HLA-DRB5: variants seen among roughly 807,000 people sequenced by gnomAD.
HLA-DRB5 encodes major histocompatibility complex, class II, DR beta 5.
A neutral mutation model predicts 22.4 loss-of-function variants in HLA-DRB5; 11 were observed. That is an observed-to-expected ratio of 0.49 (90% CI 0.31 to 0.81). The LOEUF (loss-of-function observed/expected upper bound fraction) is 0.81, where lower values mean the gene tolerates loss of function less well. Ranked by LOEUF, HLA-DRB5 falls within the 40% of genes least tolerant of loss-of-function variation. HLA-DRB5 has a pLI of 0.05. For missense variants in HLA-DRB5, 106 were observed against 274.4 expected (o/e 0.39, Z 4.34); for synonymous variants, 57 against 106.0 (o/e 0.54, Z 2.84).
intron 2 of HLA-DRB5, among the ~76,000 whole-genome samples, chr6:32,521,295 AAACAG>A (rs150262640): frequency 0.59 from 51,240 of 86,796 alleles, 13,133 homozygotes; most frequent in Middle Eastern, 0.72. Context: ...CTAAGAAAAC[AAACAG>A]AAAAAATAGC....
intron 1 of HLA-DRB5, among the ~76,000 whole-genome samples, chr6:32,528,163 G>A (rs1289280434): frequency 0.027 from 1,887 of 69,172 alleles, 138 homozygotes; most frequent in Middle Eastern, 0.12. Context: ...TCAGCTGGAT[G>A]TCACTTTCTC....
Position 32,522,009 on chromosome 6 carries a change from T to G in HLA-DRB5, c.266A>C (p.Tyr89Ser), listed in dbSNP as rs41541218. Reference protein sequence around the residue: ...VTELGRPDAEYWNSQKDFLED... With the variant: ...VTELGRPDAESWNSQKDFLED... Reference sequence around the variant, plus strand: ...CAGGAAGTCCTTCTGGCTGTTCCAGTACTCAGCGTCAGGCCGCCCCAGCTC... The same window carrying G: ...CAGGAAGTCCTTCTGGCTGTTCCAGGACTCAGCGTCAGGCCGCCCCAGCTC... The change falls in exon 2 of 6, where the codon TAC (tyrosine) becomes TCC (serine). Residue 89 changes from tyrosine (Y) to serine (S), a missense_variant. Physicochemically the swap from Tyr to Ser is moderately radical, Grantham distance 144 (BLOSUM62 -2). Coordinates refer to ENST00000374975, the MANE Select transcript of HLA-DRB5 (RefSeq NM_002125.4). 230,695 of 1,259,964 alleles carry G rather than the reference T, an allele frequency of 0.18. 43,258 individuals carry two copies. Among genetic ancestry groups the G allele is most frequent in the East Asian group, 0.27 (10,476 of 39,002 alleles). The allele number at this position is 1,259,964 out of a possible 1,614,324, so 78.0% of individuals were successfully genotyped here.
Position 32,520,187 on chromosome 6 carries a change from A to G in HLA-DRB5, c.371-536T>C, listed in dbSNP as rs571444284. Among the ~76,000 whole-genome samples the G allele has an allele frequency of 9.0e-4, 51 of 56,718 alleles. 2 individuals are homozygous for G. Among genetic ancestry groups the G allele is most frequent in the Admixed American group, 1.5e-3 (6 of 4,100 alleles). The allele number at this position is 56,718 out of a possible 152,430, so 37.2% of individuals were successfully genotyped here. On this transcript the variant is annotated intron_variant, in intron 2 of 5. Coordinates refer to ENST00000374975, the MANE Select transcript of HLA-DRB5 (RefSeq NM_002125.4). ...ACTCCATTCCACTGTGAGAGGGCTC[A>G]TCACACTTGGGTGTTCCACTTGCCA...
Position 32,530,125 on chromosome 6 carries a change from G to A in HLA-DRB5, c.100C>T (p.Pro34Ser), listed in dbSNP as rs757983305. ...CTCAGCACCCACAATGTGCACTTAC[G>A]TCGGGTGTCCCCAGCCAAAGCCAGT... ...SPLALAGDTRPRFLQQDKYEC... is the reference protein window; with the variant it reads ...SPLALAGDTRSRFLQQDKYEC... The change falls in exon 1 of 6, where the codon CCA (proline) becomes TCA (serine). Residue 34 changes from proline (P) to serine (S), a missense_variant and splice_region_variant. Physicochemically the swap from Pro to Ser is moderately conservative, Grantham distance 74. Coordinates refer to ENST00000374975, the MANE Select transcript of HLA-DRB5 (RefSeq NM_002125.4). 9 of 1,549,408 alleles carry A rather than the reference G, an allele frequency of 5.8e-6. No individual in the cohort carries two copies. In the African/African-American group the frequency reaches 6.9e-5, roughly 12 times the overall value.
chr6:32,529,102 A>G (rs1181795486), intron 1 of HLA-DRB5, among the ~76,000 whole-genome samples: 1 of 148,430 alleles, frequency 6.7e-6, no homozygotes, highest in Non-Finnish European at 1.5e-5. Context: ...AGCTGAGGGC[A>G]TGACGGGTGA....
rs1770237980 is a variant in HLA-DRB5, at chr6:32,530,268, TC to T, written c.-45del. The T allele has an allele frequency of 8.3e-7, 1 of 1,204,388 alleles. No individual in the cohort carries two copies. The highest frequency in any genetic ancestry group is 1.2e-6 in the Non-Finnish European group (1 of 845,130). The allele number at this position is 1,204,388 out of a possible 1,614,324, so 74.6% of individuals were successfully genotyped here. On this transcript the variant is annotated 5_prime_UTR_variant, in exon 1 of 6. Transcript: ENST00000374975. Reference sequence around the variant, plus strand: ...ACCAGGGGCCAGAGGAGCAGGCAAGTCTCACTCAGGGAGAACTATGATCCCC... The same window carrying T: ...ACCAGGGGCCAGAGGAGCAGGCAAGTTCACTCAGGGAGAACTATGATCCCC...
chr6:32,518,798 T>C (rs538570744), intron 3 of HLA-DRB5, 132 bp from the exon 4 acceptor site: 3 of 281,312 alleles, frequency 1.1e-5, no homozygotes, highest in South Asian at 4.3e-5. Flanking sequence ...TAGCCATTTC[T>C]GGAGAAAAAA....
intron 1 of HLA-DRB5, among the ~76,000 whole-genome samples, chr6:32,529,922 G>C (rs1361289432): frequency 0.13 from 14,657 of 116,776 alleles, 304 homozygotes; most frequent in Middle Eastern, 0.18. Flanking sequence ...GACCTGTATG[G>C]AGGCCCCTTA....
chr6:32,525,901 C>T (rs201474301), intron 1 of HLA-DRB5, among the ~76,000 whole-genome samples: 9 of 47,480 alleles, frequency 1.9e-4, no homozygotes, highest in Middle Eastern at 0.012. Flanking sequence ...TAAATATGGG[C>T]TGTGTGAAAT....
intron 1 of HLA-DRB5, among the ~76,000 whole-genome samples, chr6:32,529,769 A>ATC (rs1554270160): frequency 0.084 from 8,191 of 97,982 alleles, no homozygotes; most frequent in East Asian, 0.13. Flanking sequence ...TCAGAAAAAA[A>ATC]CTCGTTTTGT....
At chr6:32,529,690 T>C (rs796334330) in intron 1 of HLA-DRB5, among the ~76,000 whole-genome samples, 10,109 of 68,920 alleles carry the variant, frequency 0.15, 651 homozygotes, top group Middle Eastern at 0.29. Flanking sequence ...TATCACAGGT[T>C]CTGTCAAGGG....
rs75709987 is a variant in HLA-DRB5, at chr6:32,519,517, C to T, written c.505G>A (p.Ala169Thr). 0.15 allele frequency: 195,393 copies of T among 1,330,840 alleles called. 1,711 individuals carry two copies. The highest frequency in any genetic ancestry group is 0.26 in the Admixed American group (12,504 of 48,988). 82.4% of individuals were successfully genotyped at this position (1,330,840 alleles called of 1,614,324 possible). A position where few individuals can be genotyped will look rare whatever the true frequency, so the allele number is the denominator to read the frequency against. The change falls in exon 3 of 6, where the codon GCT becomes ACT. Residue 169 changes from alanine to threonine, a missense_variant. By Grantham distance (58) the Ala-to-Thr change is moderately conservative. Coordinates refer to ENST00000374975, the MANE Select transcript of HLA-DRB5 (RefSeq NM_002125.4). ...RWFRNSQEEK[A>T]GVVSTGLIQN... Reference sequence around the variant, plus strand: ...ATCAGGCCTGTGGACACCACCCCAGCCTTCTCTTCCTGGCTGTTCCGGAAC... The same window carrying T: ...ATCAGGCCTGTGGACACCACCCCAGTCTTCTCTTCCTGGCTGTTCCGGAAC...
intron 1 of HLA-DRB5, among the ~76,000 whole-genome samples, chr6:32,528,267 C>G (rs202138751): frequency 0.054 from 5,542 of 102,158 alleles, 25 homozygotes; most frequent in Middle Eastern, 0.061. Flanking sequence ...CACTATGACT[C>G]TCTGAAATTT....
intron 1 of HLA-DRB5, among the ~76,000 whole-genome samples, chr6:32,524,188 C>T (rs111779823): frequency 0.061 from 5,840 of 95,476 alleles, 466 homozygotes; most frequent in East Asian, 0.088. Flanking sequence ...CTACATAAAA[C>T]GAATGCTTTA....
At chr6:32,525,526 C>A (rs1446865763) in intron 1 of HLA-DRB5, among the ~76,000 whole-genome samples, 2 of 125,150 alleles carry the variant, frequency 1.6e-5, no homozygotes, top group Non-Finnish European at 3.3e-5. Context: ...AAACAGAGGG[C>A]AGAAACACTG....
Position 32,525,926 on chromosome 6 carries a change from C to CT in HLA-DRB5, c.101-3753dup, listed in dbSNP as rs1272090289. Reference sequence around the variant, plus strand: ...CTGTGTGAAATACTGGCTGTGTGACCTCTTCATGAGCAGTCACCACTGCAC... The same window carrying CT: ...CTGTGTGAAATACTGGCTGTGTGACCTTCTTCATGAGCAGTCACCACTGCAC... On this transcript the variant is annotated intron_variant, in intron 1 of 5. Transcript: ENST00000374975. Among the ~76,000 whole-genome samples, 219 of 28,748 alleles carry CT rather than the reference C, an allele frequency of 7.6e-3. 17 individuals are homozygous for CT. The highest frequency in any genetic ancestry group is 0.016 in the East Asian group (17 of 1,086). The allele number at this position is 28,748 out of a possible 152,430, so 18.9% of individuals were successfully genotyped here.
At chr6:32,523,736 G>T in intron 1 of HLA-DRB5, among the ~76,000 whole-genome samples, 1 of 96,676 alleles carries the variant, frequency 1.0e-5, no homozygotes, top group Non-Finnish European at 2.2e-5. Context: ...TTATGCAACT[G>T]TCTACTTTTG....
chr6:32,525,907 G>GACCTACTGGCTGTGTT, intron 1 of HLA-DRB5, among the ~76,000 whole-genome samples: 1 of 41,430 alleles, frequency 2.4e-5, no homozygotes, highest in Non-Finnish European at 4.8e-5. Context: ...TGGGCTGTGT[G>GACCTACTGGCTGTGTT]AAATACTGGC....
intron 1 of HLA-DRB5, among the ~76,000 whole-genome samples, chr6:32,523,894 T>TTG (rs1769267622): frequency 1.1e-5 from 1 of 91,598 alleles, no homozygotes; most frequent in Non-Finnish European, 2.3e-5. Flanking sequence ...CAGATAATTC[T>TTG]TTGTTGGTAA....
Sources: allele counts gnomAD v4.1 joint callset (sites outside exome capture counted in the v4.1 genomes callset), GRCh38; gene constraint gnomAD v4.1.1; transcripts MANE v1.5; gene names NCBI Gene and HGNC (gene_info 2026-07-23, HGNC 2026-07-21).